Variants in RAPGEF4 observed in about 807,000 individuals in gnomAD.
The protein encoded by RAPGEF4 is RAP guanine-nucleotide-exchange factor (GEF) 4.
A neutral mutation model predicts 147.9 loss-of-function variants in RAPGEF4; 66 were observed. The observed-to-expected ratio is 0.45, with a 90% CI of 0.37 to 0.55. The LOEUF is 0.55. RAPGEF4 is among the 20% of genes least tolerant of loss of function. The probability of loss-of-function intolerance (pLI) is 0.00; values close to 1 mark genes in which losing one functional copy is unlikely to be tolerated. For missense variants in RAPGEF4, 1,071 were observed against 1,257.3 expected (o/e 0.85, Z 2.24); for synonymous variants, 419 against 442.7 (o/e 0.95, Z 0.67).
At chr2:172,773,760 AAAAACAAAACAAAAC>A (rs147347935) in intron 1 of RAPGEF4, among the ~76,000 whole-genome samples, 8 of 152,044 alleles carry the variant, frequency 5.3e-5, no homozygotes, top group Non-Finnish European at 1.2e-4. Flanking sequence ...TCTAAAGCCA[AAAAACAAAACAAAAC>A]AAAACAAAAC....
At chr2:173,028,621 A>G (rs1322511274) in intron 25 of RAPGEF4, among the ~76,000 whole-genome samples, 1 of 152,070 alleles carries the variant, frequency 6.6e-6, no homozygotes, top group African/African-American at 2.4e-5. Flanking sequence ...GAGTAGGTGG[A>G]CTTGGCCTTC....
chr2:172,967,449 G>C lies in RAPGEF4; in HGVS notation c.1004+5G>C. On this transcript the variant is annotated splice_donor_5th_base_variant and intron_variant, in intron 10 of 30. Transcript: ENST00000397081. ...GAGGATGATCCTTCGCAAACCGTGA[G>C]TGAGAGCTCGTGGCTCACCCCTCCA... 5 of 1,608,322 alleles carry C rather than the reference G, an allele frequency of 3.1e-6. No individual in the cohort carries two copies. Among genetic ancestry groups the C allele is most frequent in the Non-Finnish European group, 3.4e-6 (4 of 1,177,656 alleles).
chr2:172,917,363 G>A (rs1308308914), intron 4 of RAPGEF4: 5 of 437,390 alleles, frequency 1.1e-5, no homozygotes, highest in Middle Eastern at 4.8e-4. Context: ...TTCTCAAGAT[G>A]CGTTTCTTTT....
chr2:172,993,013 T>C lies in RAPGEF4; in HGVS notation c.1490+2088T>C, dbSNP rs141599612. 1.1e-4 allele frequency among the ~76,000 whole-genome samples: 16 copies of C among 152,284 alleles called. No homozygotes were observed. In the East Asian group the frequency reaches 2.1e-3, roughly 20 times the overall value. On this transcript the variant is annotated intron_variant, in intron 15 of 30. Transcript: ENST00000397081. ...TGGATGGACTTAAAATTTAGGAAGC[T>C]GTAGGGCCTCTCCTCAGAAATTATC...
rs1575379696 is a variant in RAPGEF4 at position 172,960,766 on chromosome 2, C to T, written c.544C>T (p.Leu182Phe). 1 of 1,602,424 alleles carries T rather than the reference C, an allele frequency of 6.2e-7. No individual in the cohort carries two copies. Among genetic ancestry groups the T allele is most frequent in the East Asian group, 2.2e-5 (1 of 44,464 alleles). The change falls in exon 7 of 31, where the codon CTC becomes TTC. Residue 182 changes from leucine to phenylalanine, a missense_variant. Leu to Phe is a conservative substitution (Grantham distance 22). Transcript: ENST00000397081. ...DRIPDKENTP[L>F]IEPHVPLRPA... The stretch of plus-strand genomic sequence containing the variant: ...TTAACATTTTATTTTTCAGACACCT[C>T]TCATTGAACCTCACGTTCCTCTTCG...
intron 3 of RAPGEF4, among the ~76,000 whole-genome samples, chr2:172,806,657 G>T (rs923454858): frequency 3.3e-5 from 5 of 152,204 alleles, no homozygotes; most frequent in African/African-American, 1.2e-4. Context: ...TGAAACAGTA[G>T]AAGTTTAACA....
intron 4 of RAPGEF4, among the ~76,000 whole-genome samples, chr2:172,847,162 C>A (rs1410291497): frequency 1.3e-5 from 2 of 152,142 alleles, no homozygotes; most frequent in African/African-American, 2.4e-5. Context: ...CCAGAGTTAG[C>A]GGTTGCAGGG....
intron 8 of RAPGEF4, among the ~76,000 whole-genome samples, chr2:172,964,517 G>A (rs1364634333): frequency 2.8e-5 from 4 of 144,162 alleles, no homozygotes; most frequent in South Asian, 2.3e-4. Flanking sequence ...CATGTCTCCC[G>A]CCACTTCAAG....
chr2:173,029,137 T>A (rs1244770535), intron 25 of RAPGEF4, among the ~76,000 whole-genome samples: 1 of 152,228 alleles, frequency 6.6e-6, no homozygotes, highest in Admixed American at 6.5e-5. Context: ...AGGCCTCACT[T>A]GCTTTCTCAC....
At chr2:172,953,357 T>C (rs1688410066) in intron 6 of RAPGEF4, among the ~76,000 whole-genome samples, 1 of 147,818 alleles carries the variant, frequency 6.8e-6, no homozygotes, top group Non-Finnish European at 1.5e-5. Context: ...GATCTCTATA[T>C]ATGTATAGAG....
At chr2:172,799,773 C>T (rs755220870) in intron 3 of RAPGEF4, among the ~76,000 whole-genome samples, 1 of 152,048 alleles carries the variant, frequency 6.6e-6, no homozygotes, top group African/African-American at 2.4e-5. Context: ...GAGGAAATCT[C>T]GAGAAGGAGA....
rs919187408 is a variant in RAPGEF4, at chr2:172,767,319, C to T, written c.66-27706C>T. Among the ~76,000 whole-genome samples the T allele has an allele frequency of 2.6e-5, 4 of 152,026 alleles. No individual in the cohort carries two copies. In the East Asian group the frequency reaches 5.8e-4, roughly 22 times the overall value. On this transcript the variant is annotated intron_variant, in intron 1 of 30. Transcript: ENST00000397081. ...TCAGCTTCCCGAGTAGCTGGGATTA[C>T]AGGCATGCGCCACCATGCCCGGCTA...
intron 1 of RAPGEF4, among the ~76,000 whole-genome samples, chr2:172,788,675 A>G (rs1383212051): frequency 6.6e-6 from 1 of 152,072 alleles, no homozygotes; most frequent in African/African-American, 2.4e-5. Context: ...GGTTGAGCCT[A>G]GGAGTTCAAG....
intron 27 of RAPGEF4, among the ~76,000 whole-genome samples, chr2:173,034,503 G>A (rs1423657407): frequency 6.6e-6 from 1 of 152,122 alleles, no homozygotes; most frequent in Non-Finnish European, 1.5e-5. Flanking sequence ...CTTGGCCCCT[G>A]TATGCAAATC....
chr2:172,748,560 G>A (rs957153916), intron 1 of RAPGEF4, among the ~76,000 whole-genome samples: 11 of 152,038 alleles, frequency 7.2e-5, no homozygotes, highest in African/African-American at 2.4e-4. Context: ...ATCTCCCACC[G>A]GGTCCCCTCC....
chr2:172,749,068 C>G (rs1327968579), intron 1 of RAPGEF4, among the ~76,000 whole-genome samples: 1 of 152,232 alleles, frequency 6.6e-6, no homozygotes. Flanking sequence ...GGTACAGCCT[C>G]CTTCCCTGCT....
At chr2:172,979,166 G>A (rs919909527) in intron 10 of RAPGEF4, among the ~76,000 whole-genome samples, 2 of 152,150 alleles carry the variant, frequency 1.3e-5, no homozygotes, top group Non-Finnish European at 2.9e-5. Flanking sequence ...TTAACTATTT[G>A]CCATGAAATA....
intron 17 of RAPGEF4, among the ~76,000 whole-genome samples, chr2:173,013,061 T>G (rs1265945202): frequency 6.6e-6 from 1 of 152,272 alleles, no homozygotes; most frequent in African/African-American, 2.4e-5. Flanking sequence ...TTTATGAATC[T>G]CGTGCTCAAT....
At chr2:172,980,823 T>C in intron 10 of RAPGEF4, among the ~76,000 whole-genome samples, 1 of 152,098 alleles carries the variant, frequency 6.6e-6, no homozygotes, top group East Asian at 1.9e-4. Flanking sequence ...CATCATTATG[T>C]ATGTGTGTGC....
Sources: allele counts gnomAD v4.1 joint callset (sites outside exome capture counted in the v4.1 genomes callset), GRCh38; gene constraint gnomAD v4.1.1; transcripts MANE v1.5; gene names NCBI Gene and HGNC (gene_info 2026-07-23, HGNC 2026-07-21).